Variants in XNDC1N observed in about 807,000 individuals in gnomAD.
XNDC1N encodes the protein protein XNDC1N.
chr11:71,870,791 T>C, the XNDC1N span, among the ~76,000 whole-genome samples: 1 of 152,104 alleles, frequency 6.6e-6, no homozygotes, highest in Non-Finnish European at 1.5e-5. Flanking sequence ...GTGTTCAACC[T>C]CACTAATCAT....
At chr11:71,865,917 C>A in the XNDC1N span, 5 of 426,732 alleles carry the variant, frequency 1.2e-5, no homozygotes, top group African/African-American at 8.5e-5. Flanking sequence ...ACTAAAAGTT[C>A]TCTGAGGGCA....
the XNDC1N span, among the ~76,000 whole-genome samples, chr11:71,919,177 TATC>T: frequency 3.3e-5 from 5 of 152,184 alleles, no homozygotes; most frequent in South Asian, 2.1e-4. Context: ...GGAATACTGT[TATC>T]ATGTGCCAAG....
chr11:71,868,984 T>C, the XNDC1N span, among the ~76,000 whole-genome samples: 1 of 152,198 alleles, frequency 6.6e-6, no homozygotes, highest in South Asian at 2.1e-4. Flanking sequence ...TTTTGAATTC[T>C]TTTTTCTTTA....
At chr11:71,867,756 G>A in the XNDC1N span, among the ~76,000 whole-genome samples, 1 of 152,204 alleles carries the variant, frequency 6.6e-6, no homozygotes, top group South Asian at 2.1e-4. Flanking sequence ...TGAGAAGAAT[G>A]TGTATTCTGT....
chr11:71,884,227 A>T, the XNDC1N span: 1 of 647,822 alleles, frequency 1.5e-6, no homozygotes, highest in African/African-American at 1.9e-5. Flanking sequence ...CTCTTTACAG[A>T]AGAAATCATC....
At chr11:71,912,143 C>T in the XNDC1N span, among the ~76,000 whole-genome samples, 4 of 152,204 alleles carry the variant, frequency 2.6e-5, no homozygotes, top group Admixed American at 2.0e-4. Flanking sequence ...AACGGTGAGG[C>T]AGCGGTGTGT....
chr11:71,918,331 G>C, the XNDC1N span, among the ~76,000 whole-genome samples: 1 of 152,022 alleles, frequency 6.6e-6, no homozygotes. Context: ...GCCCAGGCTG[G>C]AGTGCAGTGG....
At chr11:71,890,992 C>T in the XNDC1N span, among the ~76,000 whole-genome samples, 3 of 151,864 alleles carry the variant, frequency 2.0e-5, no homozygotes, top group Non-Finnish European at 4.4e-5. Context: ...TGTACTGCCT[C>T]TGTGATGTTG....
chr11:71,926,389 C>T, the XNDC1N span, among the ~76,000 whole-genome samples: 1 of 152,208 alleles, frequency 6.6e-6, no homozygotes, highest in Non-Finnish European at 1.5e-5. Context: ...AAAACTGTTG[C>T]TGCCATTTTT....
the XNDC1N span, among the ~76,000 whole-genome samples, chr11:71,907,839 G>A: frequency 2.0e-5 from 3 of 152,062 alleles, no homozygotes; most frequent in East Asian, 1.9e-4. Flanking sequence ...CACCCCCTCC[G>A]CCTTGGAATA....
the XNDC1N span, among the ~76,000 whole-genome samples, chr11:71,907,523 G>A: frequency 2.0e-5 from 3 of 151,864 alleles, no homozygotes; most frequent in Non-Finnish European, 2.9e-5. Flanking sequence ...TTAACATATT[G>A]TGAGTAATAT....
chr11:71,894,960 C>T, the XNDC1N span, among the ~76,000 whole-genome samples: 1 of 152,184 alleles, frequency 6.6e-6, no homozygotes, highest in African/African-American at 2.4e-5. Context: ...TAAACTGCTT[C>T]TATAGAATCT....
At chr11:71,872,977 C>A in the XNDC1N span, among the ~76,000 whole-genome samples, 2 of 152,066 alleles carry the variant, frequency 1.3e-5, no homozygotes, top group African/African-American at 4.8e-5. Flanking sequence ...TCCTTTTCTT[C>A]CCTGTATTAT....
At chr11:71,898,600 C>G in the XNDC1N span, among the ~76,000 whole-genome samples, 1 of 152,160 alleles carries the variant, frequency 6.6e-6, no homozygotes, top group African/African-American at 2.4e-5. Context: ...GAGAAAGACT[C>G]TGTTTCCAAA....
the XNDC1N span, among the ~76,000 whole-genome samples, chr11:71,907,196 G>A: frequency 1.6e-3 from 238 of 152,192 alleles, no homozygotes; most frequent in Non-Finnish European, 2.1e-3. Context: ...GTATACCCCC[G>A]GGACTCAAAC....
the XNDC1N span, among the ~76,000 whole-genome samples, chr11:71,886,028 C>T: frequency 6.6e-6 from 1 of 151,976 alleles, no homozygotes; most frequent in Non-Finnish European, 1.5e-5. Flanking sequence ...CGCATTGCGC[C>T]ATTCCACTCC....
At chr11:71,876,026 A>G in the XNDC1N span, among the ~76,000 whole-genome samples, 3 of 152,162 alleles carry the variant, frequency 2.0e-5, no homozygotes, top group Non-Finnish European at 4.4e-5. Context: ...CTCTGTCTCA[A>G]ATAAATAAAT....
At chr11:71,912,618 A>G in the XNDC1N span, among the ~76,000 whole-genome samples, 3 of 152,128 alleles carry the variant, frequency 2.0e-5, no homozygotes, top group Non-Finnish European at 2.9e-5. Context: ...AACCCCTGCG[A>G]TATTTGGAGT....
At chr11:71,912,526 G>A in the XNDC1N span, among the ~76,000 whole-genome samples, 1 of 152,150 alleles carries the variant, frequency 6.6e-6, no homozygotes, top group African/African-American at 2.4e-5. Context: ...TCACAGGGGT[G>A]CTGTGCAATT....
Sources: gnomAD v4.1 joint callset for allele counts (sites outside exome capture counted in the v4.1 genomes callset) on GRCh38, gnomAD v4.1.1 for gene constraint, MANE v1.5 for transcripts, NCBI Gene and HGNC (gene_info 2026-07-23, HGNC 2026-07-21) for gene names.